The following CELF2 variants were observed in gnomAD, a reference collection of about 807,000 sequenced individuals.
CELF2 encodes CUGBP Elav-like family member 2, also known as CUG triplet repeat RNA-binding protein 2.
A neutral mutation model predicts 62.6 loss-of-function variants in CELF2; 8 were observed. The ratio of observed to expected loss-of-function variants is 0.13; its 90% CI spans 0.07 to 0.23. CELF2 has a LOEUF of 0.23. Ranked by LOEUF, CELF2 falls within the 10% of genes least tolerant of loss-of-function variation. The probability of loss-of-function intolerance (pLI) is 1.00; values close to 1 mark genes in which losing one functional copy is unlikely to be tolerated. For missense variants in CELF2, 333 were observed against 671.0 expected, an observed-to-expected ratio of 0.50 and a Z score of 5.56; for synonymous variants, 258 against 250.0, an observed-to-expected ratio of 1.03 and a Z score of -0.30.
chr10:11,017,077 T>G (rs1369571155), upstream of CELF2, among the ~76,000 whole-genome samples: 1 of 152,256 alleles, frequency 6.6e-6, no homozygotes, highest in South Asian at 2.1e-4. The surrounding 1 kb of genome is among the most constrained non-coding windows in gnomAD (Gnocchi z 5.5). Flanking sequence ...CCAGAACTTA[T>G]GCAAATCACT....
intron 1 of CELF2, among the ~76,000 whole-genome samples, chr10:11,111,063 A>G (rs950960820): frequency 1.3e-5 from 2 of 152,152 alleles, no homozygotes; most frequent in African/African-American, 4.8e-5. Context: ...CCATCCTGCT[A>G]CCTGCCTCTG....
intron 1 of CELF2, among the ~76,000 whole-genome samples, chr10:10,869,161 T>C (rs976158385): frequency 6.6e-6 from 1 of 152,028 alleles, no homozygotes; most frequent in Admixed American, 6.6e-5. Flanking sequence ...ATTAGATAGG[T>C]CTAAAAAAAA....
At chr10:10,994,661 T>C (rs1287181551) in intron 2 of CELF2, among the ~76,000 whole-genome samples, 1 of 152,194 alleles carries the variant, frequency 6.6e-6, no homozygotes, top group Non-Finnish European at 1.5e-5. Context: ...GTATGCTCCT[T>C]ATGAGAGTCT....
rs540916358 is a variant in CELF2 at position 10,995,531 on chromosome 10, T to A, written c.89+75532T>A. Among the ~76,000 whole-genome samples, 1 of 152,290 alleles carries A rather than the reference T, an allele frequency of 6.6e-6. No individual in the cohort carries two copies. The highest frequency in any genetic ancestry group is 2.4e-5 in the African/African-American group (1 of 41,578). ...AAGAGAAATTGTGTATTTGAGGAAT[T>A]GGAAGAAGTTCAGGTGTGCCAGGTG... is the stretch of plus-strand genomic sequence containing the variant. On this transcript the variant is annotated intron_variant, in intron 2 of 13. Coordinates refer to the CELF2 transcript ENST00000636488. This position sits in a 1 kb window ranked among gnomAD's most constrained non-coding sequence, Gnocchi z 4.7.
At chr10:10,941,182 T>C (rs2047007003) in intron 2 of CELF2, among the ~76,000 whole-genome samples, 1 of 152,208 alleles carries the variant, frequency 6.6e-6, no homozygotes, top group South Asian at 2.1e-4. Context: ...AGAAGGAGCT[T>C]GGCAATGATT....
the CELF2 span, among the ~76,000 whole-genome samples, chr10:10,777,673 T>C: frequency 6.6e-6 from 1 of 152,200 alleles, no homozygotes; most frequent in South Asian, 2.1e-4. Flanking sequence ...CAGGGTGATG[T>C]TTCTACAATG....
Position 11,005,519 on chromosome 10 carries a change from A to G in CELF2, c.53+79A>G. 1.2e-6 allele frequency: 2 copies of G among 1,607,192 alleles called. No individual in the cohort carries two copies. Among genetic ancestry groups the G allele is most frequent in the Non-Finnish European group, 1.7e-6 (2 of 1,174,224 alleles). ...GGCTGAGACAATAATTATGCTCTGA[A>G]TCAAGTAGCTTCCTTACCTTAGAAG... is the stretch of plus-strand genomic sequence containing the variant. On this transcript the variant is annotated intron_variant, in intron 1 of 12. Coordinates refer to the CELF2 transcript ENST00000416382. This position sits in a 1 kb window ranked among gnomAD's most constrained non-coding sequence, Gnocchi z 4.3.
chr10:10,779,769 C>CA, the CELF2 span, among the ~76,000 whole-genome samples: 1 of 152,060 alleles, frequency 6.6e-6, no homozygotes, highest in African/African-American at 2.4e-5. Flanking sequence ...TGCTAAAGTG[C>CA]AGTCAGTATT....
intron 1 of CELF2, among the ~76,000 whole-genome samples, chr10:11,056,620 T>A (rs1398538936): frequency 6.6e-6 from 1 of 152,174 alleles, no homozygotes; most frequent in African/African-American, 2.4e-5. Context: ...GATTATAAAT[T>A]TTAAGAGTAG....
At chr10:11,197,692 A>AG (rs1412165122) in intron 2 of CELF2, among the ~76,000 whole-genome samples, 1 of 152,232 alleles carries the variant, frequency 6.6e-6, no homozygotes, top group Non-Finnish European at 1.5e-5. Context: ...TCGGTGGCAG[A>AG]GGGAGGAGGG....
At chr10:10,802,425 G>A (rs1564640895) in intron 1 of CELF2, among the ~76,000 whole-genome samples, 1 of 152,152 alleles carries the variant, frequency 6.6e-6, no homozygotes, top group Non-Finnish European at 1.5e-5. Context: ...AGCTGAGATC[G>A]TGCCACTGCA....
intron 1 of CELF2, among the ~76,000 whole-genome samples, chr10:11,050,300 CTT>C (rs1482252920): frequency 6.6e-6 from 1 of 152,186 alleles, no homozygotes; most frequent in African/African-American, 2.4e-5. Context: ...GCACTGATCT[CTT>C]TTAAATGGTG....
the CELF2 span, among the ~76,000 whole-genome samples, chr10:10,597,860 T>G: frequency 6.6e-6 from 1 of 152,186 alleles, no homozygotes; most frequent in Non-Finnish European, 1.5e-5. Context: ...TTCTCTTAAA[T>G]ATTCCCCAGT....
the CELF2 span, among the ~76,000 whole-genome samples, chr10:10,682,514 G>C: frequency 1.3e-5 from 2 of 152,208 alleles, no homozygotes; most frequent in Non-Finnish European, 2.9e-5. Context: ...TGCTTCTTGC[G>C]CAGACTGAAG....
the CELF2 span, among the ~76,000 whole-genome samples, chr10:10,687,140 T>C: frequency 2.0e-5 from 3 of 152,204 alleles, no homozygotes; most frequent in Non-Finnish European, 2.9e-5. Flanking sequence ...AAAGAGTCTC[T>C]TGTGGAAGTG....
chr10:10,642,398 A>C, the CELF2 span, among the ~76,000 whole-genome samples: 1 of 152,116 alleles, frequency 6.6e-6, no homozygotes, highest in African/African-American at 2.4e-5. Flanking sequence ...GCAGGCACAG[A>C]GTGTGGCATG....
intron 9 of CELF2, among the ~76,000 whole-genome samples, chr10:11,307,486 T>C (rs1286826645): frequency 6.6e-6 from 1 of 152,248 alleles, no homozygotes; most frequent in Non-Finnish European, 1.5e-5. Context: ...ATAGATCCTA[T>C]ATCATTTTGT....
the CELF2 span, among the ~76,000 whole-genome samples, chr10:10,691,362 T>C: frequency 1.3e-5 from 2 of 149,114 alleles, no homozygotes; most frequent in African/African-American, 2.5e-5. Context: ...CTGCATAGTA[T>C]TCCATGGTGT....
the CELF2 span, among the ~76,000 whole-genome samples, chr10:10,789,789 T>C: frequency 2.3e-4 from 35 of 152,300 alleles, no homozygotes; most frequent in African/African-American, 8.2e-4. Context: ...TTTGCATACA[T>C]ACTATCTATT....
Sources: gnomAD v4.1 joint callset for allele counts (sites outside exome capture counted in the v4.1 genomes callset) on GRCh38, gnomAD v4.1.1 for gene constraint, Gnocchi (gnomAD v3.1) non-coding constraint, MANE v1.5 for transcripts, NCBI Gene and HGNC (gene_info 2026-07-23, HGNC 2026-07-21) for gene names.